Variants in URM1 observed in about 807,000 individuals in gnomAD.
URM1 encodes the protein ubiquitin-related modifier 1.
Under a neutral mutation model 17.7 loss-of-function variants are expected in URM1, and 11 were observed. The ratio of observed to expected loss-of-function variants is 0.62; its 90% CI spans 0.39 to 1.03. URM1 has a LOEUF of 1.03. URM1 is among the 50% of genes least tolerant of loss of function. The pLI is 0.00. For missense variants in URM1, 128 were observed against 129.2 expected (o/e 0.99, Z 0.04); for synonymous variants, 48 against 50.6 (o/e 0.95, Z 0.22).
At chr9:128,378,147 A>G in intron 2 of URM1, 41 bp downstream of exon 2, 1 of 1,466,102 alleles carries the variant, frequency 6.8e-7, no homozygotes, top group Non-Finnish European at 9.5e-7. Flanking sequence ...GGGGCCATTG[A>G]ACAGGAGTTG....
chr9:128,380,390 TG>T (rs924499769), intron 2 of URM1, among the ~76,000 whole-genome samples: 11 of 152,070 alleles, frequency 7.2e-5, no homozygotes, highest in African/African-American at 1.9e-4. Context: ...GATATGTGGC[TG>T]GGGTTTCATG....
intron 1 of URM1, among the ~76,000 whole-genome samples, chr9:128,375,915 G>A (rs762898722): frequency 2.0e-5 from 3 of 152,146 alleles, no homozygotes; most frequent in Non-Finnish European, 4.4e-5. Flanking sequence ...ACACATCTAA[G>A]GTCTCAACAT....
chr9:128,383,358 C>T (rs933571140), intron 2 of URM1, among the ~76,000 whole-genome samples: 7 of 152,120 alleles, frequency 4.6e-5, no homozygotes, highest in African/African-American at 1.7e-4. Flanking sequence ...GATGTTCCCT[C>T]CACCCCCTCT....
In URM1 at chr9:128,388,831, G is replaced by T. The variant is rs534190062; in HGVS notation, c.189-430G>T. The T allele has an allele frequency of 1.4e-5, 14 of 994,836 alleles. No individual in the cohort carries two copies. In the African/African-American group the frequency reaches 2.3e-4, roughly 16 times the overall value. The allele number at this position is 994,836 out of a possible 1,614,324, so 61.6% of individuals were successfully genotyped here. On this transcript the variant is annotated intron_variant, in intron 3 of 4. Transcript: ENST00000372853. The stretch of plus-strand genomic sequence containing the variant: ...AAAAAAAAGCCGAAGTTCTTTTCCA[G>T]GGCTAACGAGAATAAGATTAGACCC...
chr9:128,384,334 A>G (rs1833199148), intron 2 of URM1, among the ~76,000 whole-genome samples: 1 of 152,170 alleles, frequency 6.6e-6, no homozygotes, highest in Non-Finnish European at 1.5e-5. Context: ...GCCCGGGGGC[A>G]GCCTGGCCGC....
At position 128,391,902 on chromosome 9, in the gene URM1, CAG is replaced by C. The variant is rs1444267434; in HGVS notation, c.*2169_*2170del. ...TTTTAGCCCTAGACTGGAAAGGGGT[CAG>C]GGGACAGGTGACCTGGGCTCAGCCC... is the stretch of plus-strand genomic sequence containing the variant. On this transcript the variant is annotated 3_prime_UTR_variant, in exon 5 of 5. Transcript: ENST00000372853. 4 of 152,280 alleles carry C rather than the reference CAG, an allele frequency of 2.6e-5. No individual in the cohort carries two copies. The highest frequency in any genetic ancestry group is 9.6e-5 in the African/African-American group (4 of 41,470). 9.4% of individuals were successfully genotyped at this position (152,280 alleles called of 1,614,324 possible). A position where few individuals can be genotyped will look rare whatever the true frequency, so the allele number is the denominator to read the frequency against.
In URM1 at chr9:128,386,152, C is replaced by T. The variant is rs547315465; in HGVS notation, c.107-1664C>T. 2.0e-5 allele frequency among the ~76,000 whole-genome samples: 3 copies of T among 152,344 alleles called. No homozygotes were observed. In the East Asian group the frequency reaches 5.8e-4, roughly 29 times the overall value. The stretch of plus-strand genomic sequence containing the variant: ...GCCAGGCACTGCCCAGACCTTCTCG[C>T]CGCCTCCACACACACAGGCACACCC... On this transcript the variant is annotated intron_variant, in intron 2 of 4. Transcript: ENST00000372853.
chr9:128,384,806 A>G (rs925838989), intron 2 of URM1, among the ~76,000 whole-genome samples: 6 of 152,114 alleles, frequency 3.9e-5, no homozygotes, highest in African/African-American at 9.7e-5. Flanking sequence ...GAGGCTTCCT[A>G]TTACCTAAGG....
intron 2 of URM1, among the ~76,000 whole-genome samples, chr9:128,384,014 G>C (rs1360726737): frequency 6.6e-6 from 1 of 152,158 alleles, no homozygotes; most frequent in Non-Finnish European, 1.5e-5. Context: ...AGCGTGTCCT[G>C]TGTGTGTGAC....
At chr9:128,376,586 A>G (rs1833081370) in intron 1 of URM1, among the ~76,000 whole-genome samples, 1 of 152,064 alleles carries the variant, frequency 6.6e-6, no homozygotes, top group African/African-American at 2.4e-5. Context: ...GCCTAAACCC[A>G]GGAGGCGAAG....
intron 2 of URM1, among the ~76,000 whole-genome samples, chr9:128,378,677 A>G (rs1833114321): frequency 6.6e-6 from 1 of 151,352 alleles, no homozygotes; most frequent in African/African-American, 2.4e-5. Flanking sequence ...GTCCCAGGCC[A>G]GGTGTGGAGG....
In URM1 at chr9:128,387,652, G is replaced by GT. The variant is rs1178417297; in HGVS notation, c.107-161dup. Among the ~76,000 whole-genome samples the GT allele has an allele frequency of 6.6e-6, 1 of 152,178 alleles. No homozygotes were observed. Among genetic ancestry groups the GT allele is most frequent in the African/African-American group, 2.4e-5 (1 of 41,432 alleles). On this transcript the variant is annotated intron_variant, in intron 2 of 4. Coordinates refer to ENST00000372853, the MANE Select transcript of URM1 (RefSeq NM_030914.4). This position sits in a 1 kb window ranked among gnomAD's most constrained non-coding sequence, Gnocchi z 4.3. ...GCAAGTCACTGGCCTGTCCTAACCT[G>GT]TTTCCTCACCTTTGGAATCTACAAG...
At chr9:128,388,748 G>A in intron 3 of URM1, 1 of 987,220 alleles carries the variant, frequency 1.0e-6, no homozygotes, top group Non-Finnish European at 1.2e-6. Context: ...ATGTGGCATG[G>A]CAACTGATTC....
intron 1 of URM1, among the ~76,000 whole-genome samples, chr9:128,371,950 T>C (rs529491009): frequency 6.6e-6 from 1 of 152,348 alleles, no homozygotes; most frequent in East Asian, 1.9e-4. Flanking sequence ...GTAAACTTGC[T>C]GATTGCCTTC....
At chr9:128,384,168 C>T (rs1046021908) in intron 2 of URM1, among the ~76,000 whole-genome samples, 4 of 152,210 alleles carry the variant, frequency 2.6e-5, no homozygotes, top group Admixed American at 6.5e-5. Flanking sequence ...AGCACACAGC[C>T]GAGGTCCTCT....
Position 128,389,289 on chromosome 9 carries a change from G to A in URM1, c.217G>A (p.Asp73Asn), listed in dbSNP as rs376018599. Residue 73 changes from aspartate to asparagine, a missense_variant, in exon 4 of 5, where the codon GAT becomes AAT. By Grantham distance (23) the Asp-to-Asn change is conservative. Transcript: ENST00000372853. ...GCCAGGAATTCTGGTGCTGATTAACGATGCCGACTGGGAGCTACTGGTCAG... is the reference window on the plus strand; with the variant it reads ...GCCAGGAATTCTGGTGCTGATTAACAATGCCGACTGGGAGCTACTGGTCAG... Reference protein sequence around the residue: ...VRPGILVLINDADWELLGELD... With the variant: ...VRPGILVLINNADWELLGELD... 1.1e-5 allele frequency: 17 copies of A among 1,607,950 alleles called. No individual in the cohort carries two copies. Among genetic ancestry groups the A allele is most frequent in the Admixed American group, 5.0e-5 (3 of 59,438 alleles).
In URM1 at chr9:128,389,289, G is replaced by C; in HGVS notation, c.217G>C (p.Asp73His). 6.2e-7 allele frequency: 1 copy of C among 1,607,950 alleles called. No homozygotes were observed. Among genetic ancestry groups the C allele is most frequent in the Non-Finnish European group, 8.5e-7 (1 of 1,175,934 alleles). Residue 73 changes from aspartate (D) to histidine (H), a missense_variant, in exon 4 of 5, where the codon GAT (aspartate) becomes CAT (histidine). By Grantham distance (81) the Asp-to-His change is moderately conservative. Coordinates refer to ENST00000372853, the MANE Select transcript of URM1 (RefSeq NM_030914.4). Reference sequence around the variant, plus strand: ...GCCAGGAATTCTGGTGCTGATTAACGATGCCGACTGGGAGCTACTGGTCAG... The same window carrying C: ...GCCAGGAATTCTGGTGCTGATTAACCATGCCGACTGGGAGCTACTGGTCAG... ...VRPGILVLIN[D>H]ADWELLGELD... is the part of the protein sequence containing the mutation.
intron 3 of URM1, chr9:128,388,631 C>G (rs1833260964): frequency 1.6e-5 from 16 of 986,410 alleles, no homozygotes; most frequent in Non-Finnish European, 1.9e-5. Flanking sequence ...ACCTCTAAGG[C>G]CAGCAGTGCT....
At chr9:128,385,465 A>G (rs568816648) in intron 2 of URM1, among the ~76,000 whole-genome samples, 7 of 152,214 alleles carry the variant, frequency 4.6e-5, no homozygotes, top group African/African-American at 9.6e-5. Flanking sequence ...CTCCTGCATG[A>G]TCACACGGGA....
Sources: gnomAD v4.1 joint callset for allele counts (sites outside exome capture counted in the v4.1 genomes callset) on GRCh38, gnomAD v4.1.1 for gene constraint, Gnocchi (gnomAD v3.1) non-coding constraint, MANE v1.5 for transcripts, NCBI Gene and HGNC (gene_info 2026-07-23, HGNC 2026-07-21) for gene names.